The following TMC1 variants were observed in gnomAD, a reference collection of about 807,000 sequenced individuals.
TMC1 encodes transmembrane channel-like protein 1.
In TMC1, 84 loss-of-function variants were observed where a neutral mutation model predicts 105.8. The ratio of observed to expected loss-of-function variants is 0.79; its 90% CI spans 0.67 to 0.95. TMC1 has a LOEUF of 0.95. TMC1 is among the 40% of genes least tolerant of loss of function. The pLI is 0.00. For missense variants in TMC1, 817 were observed against 914.1 expected, an observed-to-expected ratio of 0.89 and a Z score of 1.37; for synonymous variants, 315 against 311.5, an observed-to-expected ratio of 1.01 and a Z score of -0.12.
At chr9:72,780,120 G>T (rs1263189406) in intron 13 of TMC1, among the ~76,000 whole-genome samples, 1 of 152,086 alleles carries the variant, frequency 6.6e-6, no homozygotes, top group Non-Finnish European at 1.5e-5. Context: ...CATCCTAAAA[G>T]AAAAGAAATT....
At chr9:72,746,559 A>G (rs1382150850) in intron 10 of TMC1, among the ~76,000 whole-genome samples, 1 of 148,066 alleles carries the variant, frequency 6.8e-6, no homozygotes, top group East Asian at 2.0e-4. Flanking sequence ...ATAATACCAA[A>G]TAAGTATTTT....
At position 72,628,504 on chromosome 9, in the gene TMC1, T is replaced by C. The variant is rs77752870; in HGVS notation, c.-53+441T>C. Among the ~76,000 whole-genome samples, 6 of 152,346 alleles carry C rather than the reference T, an allele frequency of 3.9e-5. No homozygotes were observed. The East Asian group carries it at 1.2e-3, about 29-fold the overall frequency. On this transcript the variant is annotated intron_variant, in intron 4 of 23. Coordinates refer to ENST00000297784, the MANE Select transcript of TMC1 (RefSeq NM_138691.3). ...GTGTGTGTACGTGTGCACTTGCATGTGTGTGGGCACACCCTTGTGCCAAAT... is the reference window on the plus strand; with the variant it reads ...GTGTGTGTACGTGTGCACTTGCATGCGTGTGGGCACACCCTTGTGCCAAAT...
Position 72,657,685 on chromosome 9 carries a change from G to T in TMC1, c.16+9021G>T, listed in dbSNP as rs150286393. 4.4e-3 allele frequency among the ~76,000 whole-genome samples: 670 copies of T among 152,208 alleles called. 11 individuals are homozygous for T. Among genetic ancestry groups the T allele is most frequent in the African/African-American group, 0.015 (630 of 41,538 alleles). ...CATATGGTATGTTATAATCGGAAAA[G>T]ATAGATGAAATTCCGCTTTTGTCTA... is the stretch of plus-strand genomic sequence containing the variant. On this transcript the variant is annotated intron_variant, in intron 5 of 23. Coordinates refer to ENST00000297784, the MANE Select transcript of TMC1 (RefSeq NM_138691.3).
intron 2 of TMC1, among the ~76,000 whole-genome samples, chr9:72,581,071 A>C (rs979297217): frequency 1.3e-5 from 2 of 152,238 alleles, no homozygotes; most frequent in East Asian, 3.8e-4. Flanking sequence ...TAACTTCAAA[A>C]GAATTTTTAT....
At chr9:72,531,103 G>T (rs986631040) in intron 1 of TMC1, among the ~76,000 whole-genome samples, 1 of 152,056 alleles carries the variant, frequency 6.6e-6, no homozygotes, top group African/African-American at 2.4e-5. Context: ...CTTCCAAAGT[G>T]CTGGGATTAC....
intron 8 of TMC1, among the ~76,000 whole-genome samples, chr9:72,714,458 T>C (rs1826886658): frequency 6.6e-6 from 1 of 152,220 alleles, no homozygotes; most frequent in African/African-American, 2.4e-5. Context: ...CTGTATTGGG[T>C]GCATATATAT....
intron 13 of TMC1, among the ~76,000 whole-genome samples, chr9:72,782,995 T>C (rs1335903712): frequency 6.6e-6 from 1 of 151,928 alleles, no homozygotes; most frequent in Non-Finnish European, 1.5e-5. Flanking sequence ...AAGCTAAAAA[T>C]TAAAAAAAAT....
At chr9:72,557,547 A>T (rs1823963935) in intron 1 of TMC1, among the ~76,000 whole-genome samples, 1 of 152,258 alleles carries the variant, frequency 6.6e-6, no homozygotes, top group South Asian at 2.1e-4. Flanking sequence ...CTGTTAAAAA[A>T]AAATTCTTAA....
intron 4 of TMC1, among the ~76,000 whole-genome samples, chr9:72,647,390 T>C (rs1825733056): frequency 6.6e-6 from 1 of 152,130 alleles, no homozygotes; most frequent in Non-Finnish European, 1.5e-5. Flanking sequence ...GTTATAATAG[T>C]ATTTAGAGTT....
At chr9:72,586,833 T>C (rs1456902803) in intron 2 of TMC1, among the ~76,000 whole-genome samples, 1 of 152,220 alleles carries the variant, frequency 6.6e-6, no homozygotes, top group African/African-American at 2.4e-5. Flanking sequence ...TAACTAAGTG[T>C]AATTCAATGT....
intron 19 of TMC1, chr9:72,818,638 G>C (rs1828826373): frequency 6.6e-6 from 1 of 152,142 alleles, no homozygotes; most frequent in South Asian, 2.1e-4. Context: ...GTAATAAGGA[G>C]AGTTAAATAA....
intron 18 of TMC1, among the ~76,000 whole-genome samples, chr9:72,815,263 C>T (rs1828765825): frequency 6.6e-6 from 1 of 152,224 alleles, no homozygotes; most frequent in Middle Eastern, 3.4e-3. Context: ...TCACAGTTAA[C>T]CACTTCCATT....
At chr9:72,651,643 A>G (rs1825816570) in intron 5 of TMC1, 1 of 152,212 alleles carries the variant, frequency 6.6e-6, no homozygotes, top group Admixed American at 6.5e-5. Flanking sequence ...GATACATAGA[A>G]ATACTAGTAT....
intron 2 of TMC1, among the ~76,000 whole-genome samples, chr9:72,596,560 A>G (rs2132109260): frequency 6.7e-6 from 1 of 150,096 alleles, no homozygotes; most frequent in South Asian, 2.1e-4. Flanking sequence ...AAAAAAAAAA[A>G]AGACAGAAAT....
intron 5 of TMC1, among the ~76,000 whole-genome samples, chr9:72,686,058 TGA>T (rs1826375433): frequency 6.6e-6 from 1 of 152,238 alleles, no homozygotes; most frequent in African/African-American, 2.4e-5. Flanking sequence ...TTTTAATTAC[TGA>T]GTCTATCTGC....
At chr9:72,794,143 A>G (rs537579024) in intron 17 of TMC1, among the ~76,000 whole-genome samples, 1 of 151,834 alleles carries the variant, frequency 6.6e-6, no homozygotes, top group African/African-American at 2.4e-5. Context: ...TAGAACATCC[A>G]TCCTGGGCTA....
chr9:72,677,129 TACACACAC>T (rs71495332), intron 5 of TMC1, among the ~76,000 whole-genome samples: 250 of 145,216 alleles, frequency 1.7e-3, no homozygotes, highest in Middle Eastern at 7.2e-3. Flanking sequence ...GAACAGAAAT[TACACACAC>T]ACACACACAC....
chr9:72,830,589 A>T lies in TMC1; in HGVS notation c.2209-42A>T, dbSNP rs542154469. Reference sequence around the variant, plus strand: ...TTATTAATGTCAAGCAGTAGAAAACACTGAGAAATCTACTTTTTTCCCCTT... The same window carrying T: ...TTATTAATGTCAAGCAGTAGAAAACTCTGAGAAATCTACTTTTTTCCCCTT... On this transcript the variant is annotated intron_variant, in intron 22 of 23. Coordinates refer to ENST00000297784, the MANE Select transcript of TMC1 (RefSeq NM_138691.3). The T allele has an allele frequency of 5.5e-5, 89 of 1,606,046 alleles. 4 individuals are homozygous for T. The South Asian group carries it at 8.7e-4, about 16-fold the overall frequency.
At chr9:72,616,881 A>G (rs1178142651) in intron 3 of TMC1, among the ~76,000 whole-genome samples, 1 of 152,072 alleles carries the variant, frequency 6.6e-6, no homozygotes, top group African/African-American at 2.4e-5. Flanking sequence ...GAGCCACATC[A>G]TCCATCAAAT....
Sources: gnomAD v4.1 joint callset for allele counts (sites outside exome capture counted in the v4.1 genomes callset) on GRCh38, gnomAD v4.1.1 for gene constraint, MANE v1.5 for transcripts, NCBI Gene and HGNC (gene_info 2026-07-23, HGNC 2026-07-21) for gene names.